The following NT5C1A variants were observed in gnomAD, a reference collection of about 807,000 sequenced individuals.
NT5C1A encodes 5'-nucleotidase, cytosolic IA, also known as cytosolic 5'-nucleotidase 1A.
NT5C1A carries 18 observed loss-of-function variants against 31.0 expected under a neutral mutation model. That is an observed-to-expected ratio of 0.58 (90% CI 0.40 to 0.86). NT5C1A has a LOEUF of 0.86. Ranked by LOEUF, NT5C1A falls within the 40% of genes least tolerant of loss-of-function variation. The pLI is 0.00. For missense variants in NT5C1A, 470 were observed against 505.4 expected (o/e 0.93, Z 0.67); for synonymous variants, 185 against 203.6 (o/e 0.91, Z 0.78).
intron 1 of NT5C1A, among the ~76,000 whole-genome samples, chr1:39,669,842 G>A (rs978036421): frequency 4.6e-5 from 7 of 152,136 alleles, no homozygotes; most frequent in Non-Finnish European, 8.8e-5. Flanking sequence ...GTTTGCTGCC[G>A]GACTCACCCT....
chr1:39,667,149 G>A (rs548835105), intron 1 of NT5C1A, among the ~76,000 whole-genome samples: 2 of 150,106 alleles, frequency 1.3e-5, no homozygotes, highest in Admixed American at 1.3e-4. Flanking sequence ...CAATCCCCTA[G>A]CTTTGCCCCA....
intron 1 of NT5C1A, among the ~76,000 whole-genome samples, chr1:39,669,813 C>T (rs1646541092): frequency 6.6e-6 from 1 of 152,236 alleles, no homozygotes; most frequent in South Asian, 2.1e-4. Flanking sequence ...CAGAGAGGCA[C>T]CAGCCTTCTC....
rs563314649 is a variant in NT5C1A at position 39,656,895 on chromosome 1, G to C, written c.*2226C>G. ...CCAAGAATAAAGGAGACTCAGGGCT[G>C]AGCTCCCTCCTTCACTTCTTTTTTG... On this transcript the variant is annotated 3_prime_UTR_variant, in exon 6 of 6. Coordinates refer to ENST00000235628, the MANE Select transcript of NT5C1A (RefSeq NM_032526.3). Among the ~76,000 whole-genome samples the C allele has an allele frequency of 5.9e-5, 9 of 152,352 alleles. No homozygotes were observed. Among genetic ancestry groups the C allele is most frequent in the Admixed American group, 1.3e-4 (2 of 15,310 alleles).
In NT5C1A at chr1:39,653,687, C is replaced by G. The variant is rs1424156353; in HGVS notation, c.*5434G>C. Among the ~76,000 whole-genome samples the G allele has an allele frequency of 6.6e-6, 1 of 152,188 alleles. No individual in the cohort carries two copies. The highest frequency in any genetic ancestry group is 1.9e-4 in the East Asian group (1 of 5,192). On this transcript the variant is annotated 3_prime_UTR_variant, in exon 6 of 6. Coordinates refer to ENST00000235628, the MANE Select transcript of NT5C1A (RefSeq NM_032526.3). The stretch of plus-strand genomic sequence containing the variant: ...AGAATCACTTGACTACTGCCAGCAG[C>G]TGCGTGCCGGCCTGCAGTGCCACCT...
Position 39,659,150 on chromosome 1 carries a change from G to A in NT5C1A, c.1078C>T (p.Pro360Ser). ...TGTGCAGATGGGGCCTGCTTTGCAG[G>A]TGCAGTCCGCCGGGGTGTCTGTGCC... is the stretch of plus-strand genomic sequence containing the variant. ...GVAQTPRRTA[P>S]AKQAPSAQ Residue 360 changes from proline (P) to serine (S), a missense_variant, in exon 6 of 6, where the codon CCT becomes TCT. Transcript: ENST00000235628. 2 of 1,608,564 alleles carry A rather than the reference G, an allele frequency of 1.2e-6. No individual in the cohort carries two copies. The highest frequency in any genetic ancestry group is 1.7e-6 in the Non-Finnish European group (2 of 1,176,368).
rs990154144 is a variant in NT5C1A, at chr1:39,672,103, G to A, written c.-65C>T. ...CGTAGACGCGGAGGTGGCTGGGGCTGGGCTGCAGGAGGGAGGCGAGTCCCG... is the reference window on the plus strand; with the variant it reads ...CGTAGACGCGGAGGTGGCTGGGGCTAGGCTGCAGGAGGGAGGCGAGTCCCG... On this transcript the variant is annotated 5_prime_UTR_variant, in exon 1 of 6. Transcript: ENST00000235628. The A allele has an allele frequency of 1.6e-6, 2 of 1,238,534 alleles. No individual in the cohort carries two copies. Among genetic ancestry groups the A allele is most frequent in the African/African-American group, 1.8e-5 (1 of 56,592 alleles). The allele number at this position is 1,238,534 out of a possible 1,614,324, so 76.7% of individuals were successfully genotyped here.
chr1:39,659,481 G>C lies in NT5C1A; in HGVS notation c.747C>G (p.Pro249=), dbSNP rs767630289. 6.4e-7 allele frequency: 1 copy of C among 1,563,394 alleles called. No individual in the cohort carries two copies. Among genetic ancestry groups the C allele is most frequent in the Non-Finnish European group, 8.7e-7 (1 of 1,154,346 alleles). ...AHENKPLAQG[P]LKGFLEALGR... is the part of the protein sequence containing the mutation. ...CCAGTGCCTCCAGAAAGCCCTTTAA[G>C]GGGCCCTATGAGAAGGCAAGGGGAA... Residue 249 remains proline, a synonymous_variant, in exon 6 of 6, where the codon CCC becomes CCG. Transcript: ENST00000235628.
chr1:39,667,265 G>A (rs1029331816), intron 1 of NT5C1A, among the ~76,000 whole-genome samples: 3 of 143,802 alleles, frequency 2.1e-5, no homozygotes, highest in Admixed American at 7.2e-5. Context: ...GCAGTGGTGT[G>A]ATCTCAGCTC....
At chr1:39,663,282 C>G in intron 4 of NT5C1A, 30 bp downstream of exon 4, 2 of 1,613,914 alleles carry the variant, frequency 1.2e-6, no homozygotes, top group Non-Finnish European at 1.7e-6. Flanking sequence ...TGCTGCACTC[C>G]CCATATTCTT....
At position 39,652,316 on chromosome 1, in the gene NT5C1A, C is replaced by T. The variant is rs1570452673; in HGVS notation, c.*6805G>A. ...TTTCTAAATTCAAAATAGTTGCCAA[C>T]ATTTAAAAGTCCAGATTCCCAGCTT... On this transcript the variant is annotated 3_prime_UTR_variant, in exon 6 of 6. Transcript: ENST00000235628. 1.3e-5 allele frequency among the ~76,000 whole-genome samples: 2 copies of T among 152,278 alleles called. No homozygotes were observed. The highest frequency in any genetic ancestry group is 4.8e-5 in the African/African-American group (2 of 41,554).
In NT5C1A at chr1:39,663,390, T is replaced by C. The variant is rs1422618061; in HGVS notation, c.478A>G (p.Ile160Val). 1 of 1,613,982 alleles carries C rather than the reference T, an allele frequency of 6.2e-7. No individual in the cohort carries two copies. Among genetic ancestry groups the C allele is most frequent in the Non-Finnish European group, 8.5e-7 (1 of 1,180,026 alleles). The change falls in exon 4 of 6, where the codon ATC (isoleucine) becomes GTC (valine). Residue 160 changes from isoleucine (I) to valine (V), a missense_variant. By Grantham distance (29) the Ile-to-Val change is conservative (BLOSUM62 3). Coordinates refer to ENST00000235628, the MANE Select transcript of NT5C1A (RefSeq NM_032526.3). The stretch of plus-strand genomic sequence containing the variant: ...GTGTGATAGGCCTTGAGGTAGCAGA[T>C]CGGGCTGTTCCCACCTGTCATGCAG... ...RFCMTGGNSPICYLKAYHTNL... is the reference protein window; with the variant it reads ...RFCMTGGNSPVCYLKAYHTNL...
At chr1:39,665,867 G>C (rs969524330) in intron 2 of NT5C1A, among the ~76,000 whole-genome samples, 6 of 152,206 alleles carry the variant, frequency 3.9e-5, no homozygotes, top group African/African-American at 7.2e-5. Flanking sequence ...CACCAAGCTG[G>C]TTACCAGGCG....
rs780251285 is a variant in NT5C1A at position 39,661,008 on chromosome 1, G to C, written c.741+71C>G. Reference sequence around the variant, plus strand: ...TGGGGTTTGTTTGCTTCCAGGCTGGGAGTGCAGGCCAAGGGCAGGTCTGGG... The same window carrying C: ...TGGGGTTTGTTTGCTTCCAGGCTGGCAGTGCAGGCCAAGGGCAGGTCTGGG... On this transcript the variant is annotated intron_variant, in intron 5 of 5. Transcript: ENST00000235628. 459 of 852,950 alleles carry C rather than the reference G, an allele frequency of 5.4e-4. 2 individuals are homozygous for C. Among genetic ancestry groups the C allele is most frequent in the Non-Finnish European group, 8.1e-4 (431 of 533,552 alleles). 52.8% of individuals were successfully genotyped at this position (852,950 alleles called of 1,614,324 possible). A position where few individuals can be genotyped will look rare whatever the true frequency, so the allele number is the denominator to read the frequency against.
intron 3 of NT5C1A, among the ~76,000 whole-genome samples, chr1:39,663,712 GCTGCCAT>G (rs1254904118): frequency 1.6e-4 from 1 of 6,136 alleles, no homozygotes; most frequent in Non-Finnish European, 2.7e-4. Context: ...CCTGGCCATA[GCTGCCAT>G]AGCTGATTGG....
intron 4 of NT5C1A, among the ~76,000 whole-genome samples, chr1:39,661,534 CCAGGGGG>C (rs946226882): frequency 8.7e-4 from 132 of 152,136 alleles, no homozygotes; most frequent in African/African-American, 3.1e-3. Context: ...GGGAGGAGTC[CCAGGGGG>C]CAGGAGGGCA....
intron 1 of NT5C1A, among the ~76,000 whole-genome samples, chr1:39,671,632 GA>G (rs1411179831): frequency 6.6e-6 from 1 of 152,244 alleles, no homozygotes; most frequent in African/African-American, 2.4e-5. Flanking sequence ...CCCGAGTGGG[GA>G]GGGGCTGGGG....
chr1:39,672,053 C>G lies in NT5C1A; in HGVS notation c.-15G>C. 1 of 1,573,966 alleles carries G rather than the reference C, an allele frequency of 6.4e-7. No individual in the cohort carries two copies. The highest frequency in any genetic ancestry group is 8.6e-7 in the Non-Finnish European group (1 of 1,168,436). On this transcript the variant is annotated 5_prime_UTR_variant, in exon 1 of 6. Coordinates refer to ENST00000235628, the MANE Select transcript of NT5C1A (RefSeq NM_032526.3). ...CCAGGTTCCATGCTCCGGCTCTGAC[C>G]CGGCCCGGCCAGAGCAGGCGGCGGC... is the stretch of plus-strand genomic sequence containing the variant.
intron 1 of NT5C1A, among the ~76,000 whole-genome samples, chr1:39,670,550 T>C (rs192646880): frequency 1.3e-5 from 2 of 152,340 alleles, no homozygotes; most frequent in African/African-American, 4.8e-5. Flanking sequence ...GATTCACATG[T>C]GTGCAGACTC....
intron 1 of NT5C1A, 47 bp downstream of exon 1, chr1:39,671,856 CG>C (rs1646553928): frequency 2.2e-5 from 36 of 1,608,006 alleles, no homozygotes; most frequent in Non-Finnish European, 3.1e-5. Context: ...ACCCCTCCTC[CG>C]GGGTAACCCT....
Sources: allele counts gnomAD v4.1 joint callset (sites outside exome capture counted in the v4.1 genomes callset), GRCh38; gene constraint gnomAD v4.1.1; transcripts MANE v1.5; gene names NCBI Gene and HGNC (gene_info 2026-07-23, HGNC 2026-07-21).